GLI1: variants seen among roughly 807,000 people sequenced by gnomAD.
The protein encoded by GLI1 is GLI family zinc finger 1, also known as transcription activator GLI1.
A neutral mutation model predicts 87.8 loss-of-function variants in GLI1; 51 were observed. The observed-to-expected ratio is 0.58, with a 90% CI of 0.46 to 0.73. The LOEUF is 0.73. Among genes scored for constraint, GLI1 ranks in the 30% least tolerant of loss-of-function variants. The probability of loss-of-function intolerance (pLI) is 0.00; values close to 1 mark genes in which losing one functional copy is unlikely to be tolerated. For synonymous variants in GLI1, 528 were observed against 558.2 expected (o/e 0.95, Z 0.76); for missense variants, 1,292 against 1,437.2 (o/e 0.90, Z 1.63).
At chr12:57,465,298 G>T in intron 5 of GLI1, 43 bp downstream of exon 5, 1 of 1,510,128 alleles carries the variant, frequency 6.6e-7, no homozygotes, top group Non-Finnish European at 9.0e-7. Context: ...TCAGCTCAGG[G>T]TGGGTGGGTG....
chr12:57,466,263 C>T lies in GLI1; in HGVS notation c.786C>T (p.His262=), dbSNP rs7973381. 0.026 allele frequency: 41,813 copies of T among 1,613,368 alleles called. 1,308 individuals are homozygous for T. Among genetic ancestry groups the T allele is most frequent in the African/African-American group, 0.15 (10,950 of 74,924 alleles). The stretch of plus-strand genomic sequence containing the variant: ...AGCACATCAACAGCGAGCACATCCA[C>T]GGGGAGCGGAAGGAGTTCGTGTGCC... ...LVHHINSEHI[H]GERKEFVCHW... Residue 262 remains histidine, a synonymous_variant, in exon 8 of 12, where the codon CAC becomes CAT. Coordinates refer to ENST00000228682, the MANE Select transcript of GLI1 (RefSeq NM_005269.3).
At chr12:57,464,634 C>G (rs767108834) in intron 3 of GLI1, 39 bp from the exon 4 acceptor site, 7 of 1,477,518 alleles carry the variant, frequency 4.7e-6, no homozygotes, top group Non-Finnish European at 6.6e-6. Context: ...GAGAGACATG[C>G]CCCTTTACCA....
At position 57,470,887 on chromosome 12, in the gene GLI1, G is replaced by A; in HGVS notation, c.2147G>A (p.Ser716Asn). ...EPEVGTSMVG[S>N]GLNPYMDFPP... ...GAAGTTGGGACCTCCATGGTGGGCA[G>A]TGGTCTGAACCCCTATATGGACTTC... is the stretch of plus-strand genomic sequence containing the variant. Residue 716 changes from serine (S) to asparagine (N), a missense_variant, in exon 12 of 12, where the codon AGT becomes AAT. This residue lies in a region of GLI1 where 897 missense variants were observed against 1,040.7 expected (regional missense o/e 0.86). Transcript: ENST00000228682. 1 of 1,612,638 alleles carries A rather than the reference G, an allele frequency of 6.2e-7. No individual in the cohort carries two copies. Among genetic ancestry groups the A allele is most frequent in the Non-Finnish European group, 8.5e-7 (1 of 1,179,206 alleles).
Position 57,468,286 on chromosome 12 carries a change from G to C in GLI1, c.1308+62G>C, listed in dbSNP as rs1004290065. The C allele has an allele frequency of 2.2e-5, 24 of 1,081,760 alleles. No homozygotes were observed. In the East Asian group the frequency reaches 3.2e-4, roughly 14 times the overall value. 67.0% of individuals were successfully genotyped at this position (1,081,760 alleles called of 1,614,324 possible). ...AGCCCACCCTGTGGACATCTTTCTA[G>C]TTACTTCCCAACCCATCCATTCCCT... On this transcript the variant is annotated intron_variant, in intron 10 of 11. Transcript: ENST00000228682.
In GLI1 at chr12:57,459,906, G is replaced by A. The variant is rs975407716; in HGVS notation, c.-323G>A. Among the ~76,000 whole-genome samples the A allele has an allele frequency of 2.0e-5, 3 of 152,156 alleles. No homozygotes were observed. Among genetic ancestry groups the A allele is most frequent in the African/African-American group, 7.2e-5 (3 of 41,436 alleles). On this transcript the variant is annotated 5_prime_UTR_variant, in exon 1 of 12. Coordinates refer to ENST00000228682, the MANE Select transcript of GLI1 (RefSeq NM_005269.3). ...GCCTCATCCTCCAGAACGGCAAGAG[G>A]GAGGGAAATAGAAGGGAGGTGAGGG...
chr12:57,471,076 C>A lies in GLI1; in HGVS notation c.2336C>A (p.Thr779Lys). 1 of 1,613,100 alleles carries A rather than the reference C, an allele frequency of 6.2e-7. No homozygotes were observed. ...QASYPDPTQE[T>K]WGEFPSHSGL... The stretch of plus-strand genomic sequence containing the variant: ...TCATATCCTGACCCCACCCAAGAAA[C>A]ATGGGGTGAGTTCCCTTCCCACTCT... The change falls in exon 12 of 12, where the codon ACA becomes AAA. Residue 779 changes from threonine to lysine, a missense_variant. By Grantham distance (78) the Thr-to-Lys change is moderately conservative. Coordinates refer to ENST00000228682, the MANE Select transcript of GLI1 (RefSeq NM_005269.3). This position sits in a 1 kb window ranked among gnomAD's most constrained non-coding sequence, Gnocchi z 4.9.
rs1871874865 is a variant in GLI1, at chr12:57,470,989, C to G, written c.2249C>G (p.Ser750Cys). The change falls in exon 12 of 12, where the codon TCT becomes TGT. Residue 750 changes from serine (S) to cysteine (C), a missense_variant. Ser to Cys is a moderately radical substitution (Grantham distance 112). Coordinates refer to ENST00000228682, the MANE Select transcript of GLI1 (RefSeq NM_005269.3). ...CCTTATGGAGCGAGGGGTCCAGGCTCTCTGCCTCTTGGGCCTGGTCCACCC... is the reference window on the plus strand; with the variant it reads ...CCTTATGGAGCGAGGGGTCCAGGCTGTCTGCCTCTTGGGCCTGGTCCACCC... ...AEPYGARGPG[S>C]LPLGPGPPTN... 2 of 1,612,472 alleles carry G rather than the reference C, an allele frequency of 1.2e-6. No individual in the cohort carries two copies. The highest frequency in any genetic ancestry group is 1.7e-5 in the Admixed American group (1 of 59,840).
chr12:57,471,121 A>C lies in GLI1; in HGVS notation c.2381A>C (p.Lys794Thr), dbSNP rs781748757. Residue 794 changes from lysine (K) to threonine (T), a missense_variant, in exon 12 of 12, where the codon AAG (lysine) becomes ACG (threonine). Lys to Thr is a moderately conservative substitution (Grantham distance 78). Around this residue, in one of 3 missense-constraint regions of GLI1, gnomAD observed 897 missense variants for 1,040.7 expected, o/e 0.86. Coordinates refer to ENST00000228682, the MANE Select transcript of GLI1 (RefSeq NM_005269.3). This position sits in a 1 kb window ranked among gnomAD's most constrained non-coding sequence, Gnocchi z 4.9. ...CACTCTGGGCTGTACCCAGGCCCCA[A>C]GGCTCTAGGTGGAACCTACAGCCAG... ...PSHSGLYPGP[K>T]ALGGTYSQCP... 3 of 1,613,394 alleles carry C rather than the reference A, an allele frequency of 1.9e-6. No individual in the cohort carries two copies. The Admixed American group carries it at 5.0e-5, about 27-fold the overall frequency.
At chr12:57,463,087 A>C (rs907541072) in intron 1 of GLI1, among the ~76,000 whole-genome samples, 1 of 152,180 alleles carries the variant, frequency 6.6e-6, no homozygotes, top group Non-Finnish European at 1.5e-5. Context: ...CACAGACCAC[A>C]CAGGCAAAGC....
intron 10 of GLI1, among the ~76,000 whole-genome samples, chr12:57,468,755 A>C (rs1871670942): frequency 7.2e-6 from 1 of 139,392 alleles, no homozygotes; most frequent in African/African-American, 2.7e-5. Context: ...ATCCAACCCA[A>C]ACTCTTTCTT....
intron 4 of GLI1, 30 bp from the exon 5 acceptor site, chr12:57,465,081 T>C: frequency 1.2e-6 from 2 of 1,611,644 alleles, no homozygotes; most frequent in Non-Finnish European, 1.7e-6. Context: ...TTCCTAATTG[T>C]CTTAAGTAAC....
intron 1 of GLI1, among the ~76,000 whole-genome samples, chr12:57,460,835 A>G (rs1226785841): frequency 6.6e-6 from 1 of 151,322 alleles, no homozygotes; most frequent in Non-Finnish European, 1.5e-5. Context: ...TGCAATTTGG[A>G]CTCCTGAGTC....
Position 57,466,329 on chromosome 12 carries a change from C to T in GLI1, c.852C>T (p.Ala284=), listed in dbSNP as rs2139856482. Residue 284 remains alanine, a synonymous_variant, in exon 8 of 12, where the codon GCC becomes GCT. Coordinates refer to ENST00000228682, the MANE Select transcript of GLI1 (RefSeq NM_005269.3). ...CCAGGGAGCTGAGGCCCTTCAAAGC[C>T]CAGTACATGCTGGTGGTTCACATGC... The part of the protein sequence containing the change: ...GCSRELRPFK[A]QYMLVVHMRR... The T allele has an allele frequency of 6.2e-7, 1 of 1,614,048 alleles. No individual in the cohort carries two copies. Among genetic ancestry groups the T allele is most frequent in the Non-Finnish European group, 8.5e-7 (1 of 1,179,960 alleles).
In GLI1 at chr12:57,463,765, A is replaced by C. The variant is rs1566558142; in HGVS notation, c.74A>C (p.Gln25Pro). Reference sequence around the variant, plus strand: ...TGCTGTCTCCGGCCCCTCCCCAGTCAGGGGGCCCCCAGTGTGGGGACAGAA... The same window carrying C: ...TGCTGTCTCCGGCCCCTCCCCAGTCCGGGGGCCCCCAGTGTGGGGACAGAA... ...EPCCLRPLPS[Q>P]GAPSVGTEGL... The change falls in exon 2 of 12, where the codon CAG becomes CCG. Residue 25 changes from glutamine (Q) to proline (P), a missense_variant. Around this residue, in one of 3 missense-constraint regions of GLI1, gnomAD observed 383 missense variants for 368.4 expected, o/e 1.04. Coordinates refer to ENST00000228682, the MANE Select transcript of GLI1 (RefSeq NM_005269.3). 1 of 1,605,742 alleles carries C rather than the reference A, an allele frequency of 6.2e-7. No individual in the cohort carries two copies. Among genetic ancestry groups the C allele is most frequent in the South Asian group, 1.1e-5 (1 of 90,914 alleles).
chr12:57,465,250 T>C lies in GLI1; in HGVS notation c.529T>C (p.Cys177Arg). 1 of 1,598,308 alleles carries C rather than the reference T, an allele frequency of 6.3e-7. No individual in the cohort carries two copies. The highest frequency in any genetic ancestry group is 8.5e-7 in the Non-Finnish European group (1 of 1,172,594). The change falls in exon 5 of 12, where the codon TGC becomes CGC. Residue 177 changes from cysteine (C) to arginine (R), a missense_variant. Physicochemically the swap from Cys to Arg is radical, Grantham distance 180. Transcript: ENST00000228682. ...HPQSRGPFPTCQLKSELDMLV... is the reference protein window; with the variant it reads ...HPQSRGPFPTRQLKSELDMLV... ...TCAGTCCCGGGGACCCTTCCCAACTTGCCAGGTGAGAGTCCCCATATTGCT... is the reference window on the plus strand; with the variant it reads ...TCAGTCCCGGGGACCCTTCCCAACTCGCCAGGTGAGAGTCCCCATATTGCT...
chr12:57,471,905 GC>G lies in GLI1; in HGVS notation c.3169del (p.Gln1057ArgfsTer3). Reference sequence around the variant, plus strand: ...TGGACTTTGTGGCTATTCTGGATGAGCCCCAGGGGCTGAGTCCTCCTCCTTC... The same window carrying G: ...TGGACTTTGTGGCTATTCTGGATGAGCCCAGGGGCTGAGTCCTCCTCCTTC... ...QLDFVAILDE[P>X]QGLSPPPSHD... On this transcript the variant is annotated frameshift_variant, in exon 12 of 12. Transcript: ENST00000228682. LOFTEE classifies it high-confidence loss of function. This position sits in a 1 kb window ranked among gnomAD's most constrained non-coding sequence, Gnocchi z 4.9. 1 of 1,611,300 alleles carries G rather than the reference GC, an allele frequency of 6.2e-7. No individual in the cohort carries two copies.
chr12:57,469,395 G>A, intron 10 of GLI1, 36 bp from the exon 11 acceptor site: 1 of 1,602,550 alleles, frequency 6.2e-7, no homozygotes, highest in South Asian at 1.1e-5. Flanking sequence ...GAGCTGTGGG[G>A]AAGGGTGTTG....
At chr12:57,464,543 G>A (rs1871347872) in intron 3 of GLI1, 130 bp from the exon 4 acceptor site, 2 of 569,896 alleles carry the variant, frequency 3.5e-6, no homozygotes, top group Non-Finnish European at 6.1e-6. Flanking sequence ...AAAAAAAAAA[G>A]TCACAGATAG....
chr12:57,465,521 C>A (rs758065760), intron 5 of GLI1, 86 bp from the exon 6 acceptor site: 321 of 1,083,472 alleles, frequency 3.0e-4, no homozygotes, highest in Non-Finnish European at 3.9e-4. Context: ...TGGGTGGGGG[C>A]ACTTAGGGCA....
Sources: allele counts gnomAD v4.1 joint callset (sites outside exome capture counted in the v4.1 genomes callset), GRCh38; gene constraint gnomAD v4.1.1; regional missense constraint gnomAD v4.1.1; non-coding constraint Gnocchi (gnomAD v3.1); transcripts MANE v1.5; gene names NCBI Gene and HGNC (gene_info 2026-07-23, HGNC 2026-07-21).